The following MYT1L variants were observed in gnomAD, a reference collection of about 807,000 sequenced individuals.
MYT1L encodes myelin transcription factor 1 like.
MYT1L carries 12 observed loss-of-function variants against 126.7 expected under a neutral mutation model. The ratio of observed to expected loss-of-function variants is 0.09; its 90% CI spans 0.06 to 0.15. The LOEUF (loss-of-function observed/expected upper bound fraction) is 0.15. Among genes scored for constraint, MYT1L ranks in the 10% least tolerant of loss-of-function variants. MYT1L has a pLI of 1.00. For missense variants in MYT1L, 979 were observed against 1,585.2 expected (o/e 0.62, Z 6.49); for synonymous variants, 541 against 604.2 (o/e 0.90, Z 1.53).
intron 3 of MYT1L, among the ~76,000 whole-genome samples, chr2:2,113,231 A>AT (rs1246705856): frequency 1.3e-5 from 2 of 152,220 alleles, no homozygotes; most frequent in Admixed American, 1.3e-4. Context: ...GTGACTTGGG[A>AT]TTCCTGATAA....
At chr2:1,978,539 CT>C (rs1235329652) in intron 8 of MYT1L, among the ~76,000 whole-genome samples, 2 of 152,168 alleles carry the variant, frequency 1.3e-5, no homozygotes, top group Non-Finnish European at 2.9e-5. Context: ...CAATCATCAC[CT>C]TCCCCTTAGT....
chr2:2,140,432 C>CTTTT lies in MYT1L; in HGVS notation c.-304+32436_-304+32439dup, dbSNP rs35297300. Among the ~76,000 whole-genome samples the CTTTT allele has an allele frequency of 3.6e-3, 406 of 112,932 alleles. 5 individuals carry two copies. Among genetic ancestry groups the CTTTT allele is most frequent in the Non-Finnish European group, 5.8e-3 (319 of 55,188 alleles). The allele number at this position is 112,932 out of a possible 152,430, so 74.1% of individuals were successfully genotyped here. A position where few individuals can be genotyped will look rare whatever the true frequency, so the allele number is the denominator to read the frequency against. On this transcript the variant is annotated intron_variant, in intron 3 of 24. Transcript: ENST00000647738. ...GTCTTTATTTTTTTTCTTTCTTTTT[C>CTTTT]TTTTTTTTTTTTTTTTTTTTGAGAC...
chr2:1,816,809 T>C (rs1440639919), intron 21 of MYT1L: 3 of 152,712 alleles, frequency 2.0e-5, no homozygotes, highest in Non-Finnish European at 4.4e-5. Context: ...CCCCAGTGTA[T>C]GCACAGGGCC....
At chr2:1,918,451 T>C (rs2053146957) in intron 10 of MYT1L, among the ~76,000 whole-genome samples, 1 of 152,202 alleles carries the variant, frequency 6.6e-6, no homozygotes, top group African/African-American at 2.4e-5. Flanking sequence ...TTTTTGATAT[T>C]CCATTAATCA....
intron 17 of MYT1L, 102 bp from the exon 18 acceptor site, chr2:1,886,709 A>T (rs1347519265): frequency 3.0e-6 from 2 of 657,690 alleles, no homozygotes; most frequent in Non-Finnish European, 4.7e-6. Context: ...AATGCAGAAA[A>T]GCAATGGGCA....
intron 19 of MYT1L, among the ~76,000 whole-genome samples, chr2:1,846,525 A>G (rs2148470465): frequency 6.6e-6 from 1 of 152,284 alleles, no homozygotes; most frequent in South Asian, 2.1e-4. Flanking sequence ...GCACACGGAC[A>G]GAGCATACGG....
At chr2:2,051,463 C>A (rs1028211703) in intron 4 of MYT1L, among the ~76,000 whole-genome samples, 1 of 152,158 alleles carries the variant, frequency 6.6e-6, no homozygotes, top group African/African-American at 2.4e-5. Context: ...GTACCTAATA[C>A]GGCCCAGGAA....
At chr2:2,290,743 A>G (rs911548818) in intron 1 of MYT1L, among the ~76,000 whole-genome samples, 2 of 152,094 alleles carry the variant, frequency 1.3e-5, no homozygotes, top group Non-Finnish European at 2.9e-5. Flanking sequence ...AAAGGCACTG[A>G]CCCCTGCCTG....
At chr2:2,147,030 CAG>C (rs890823963) in intron 3 of MYT1L, among the ~76,000 whole-genome samples, 1 of 152,212 alleles carries the variant, frequency 6.6e-6, no homozygotes, top group African/African-American at 2.4e-5. Context: ...CAACAAGACT[CAG>C]TGACAATTGG....
chr2:1,952,700 T>TC, intron 8 of MYT1L, among the ~76,000 whole-genome samples: 2 of 102,706 alleles, frequency 1.9e-5, no homozygotes, highest in African/African-American at 7.3e-5. Flanking sequence ...CTTCCTTCCT[T>TC]TCTTCCTTCC....
At chr2:2,137,185 G>A (rs372372754) in intron 3 of MYT1L, among the ~76,000 whole-genome samples, 16 of 152,124 alleles carry the variant, frequency 1.1e-4, no homozygotes, top group Non-Finnish European at 1.3e-4. Flanking sequence ...CAATGAAATA[G>A]AAGAGGATAC....
Position 2,084,424 on chromosome 2 carries a change from A to G in MYT1L, c.-303-30301T>C, listed in dbSNP as rs55963584. Among the ~76,000 whole-genome samples, 1,311 of 152,352 alleles carry G rather than the reference A, an allele frequency of 8.6e-3. 21 individuals are homozygous for G. The highest frequency in any genetic ancestry group is 0.026 in the African/African-American group (1,096 of 41,588). Reference sequence around the variant, plus strand: ...CAAGTGATGGGATGTCCCTCCCATGATCAGGTTAGAAAACACTGAGAGCTC... The same window carrying G: ...CAAGTGATGGGATGTCCCTCCCATGGTCAGGTTAGAAAACACTGAGAGCTC... On this transcript the variant is annotated intron_variant, in intron 3 of 24. Coordinates refer to ENST00000647738, the MANE Select transcript of MYT1L (RefSeq NM_001303052.2).
intron 1 of MYT1L, chr2:2,325,882 T>A (rs1294071335): frequency 6.6e-6 from 1 of 152,266 alleles, no homozygotes; most frequent in African/African-American, 2.4e-5. Flanking sequence ...GGAAGTGTTG[T>A]GTATGCAATC....
At chr2:2,288,276 TG>T (rs891293192) in intron 1 of MYT1L, among the ~76,000 whole-genome samples, 3 of 152,346 alleles carry the variant, frequency 2.0e-5, no homozygotes, top group African/African-American at 7.2e-5. Context: ...ATAGTAGAGT[TG>T]GATTTGAACC....
intron 3 of MYT1L, among the ~76,000 whole-genome samples, chr2:2,128,951 G>C (rs1300220905): frequency 6.6e-6 from 1 of 152,214 alleles, no homozygotes; most frequent in Non-Finnish European, 1.5e-5. Flanking sequence ...ATGATTTCAT[G>C]CCAAGGAAAC....
chr2:2,289,197 C>T (rs1052580232), intron 1 of MYT1L, among the ~76,000 whole-genome samples: 2 of 152,124 alleles, frequency 1.3e-5, no homozygotes, highest in African/African-American at 4.8e-5. Flanking sequence ...AGTAGGTGGC[C>T]CTGTCTGGCT....
At chr2:2,004,320 G>GTGCCTTCTTTCCT (rs1558698497) in intron 4 of MYT1L, among the ~76,000 whole-genome samples, 4 of 20,358 alleles carry the variant, frequency 2.0e-4, no homozygotes, top group Non-Finnish European at 2.8e-4. Context: ...CTTTCCTGCA[G>GTGCCTTCTTTCCT]GCGTTCTTTC....
At chr2:2,016,995 C>A (rs566784160) in intron 4 of MYT1L, among the ~76,000 whole-genome samples, 1 of 152,230 alleles carries the variant, frequency 6.6e-6, no homozygotes, top group Non-Finnish European at 1.5e-5. Context: ...TAAAATCTTG[C>A]TAATAATTGA....
intron 2 of MYT1L, among the ~76,000 whole-genome samples, chr2:2,176,124 T>C (rs1411329588): frequency 1.3e-5 from 2 of 152,170 alleles, no homozygotes; most frequent in African/African-American, 4.8e-5. Flanking sequence ...AGATTTAGGA[T>C]ATGTCCACTT....
Sources: gnomAD v4.1 joint callset for allele counts (sites outside exome capture counted in the v4.1 genomes callset) on GRCh38, gnomAD v4.1.1 for gene constraint, MANE v1.5 for transcripts, NCBI Gene and HGNC (gene_info 2026-07-23, HGNC 2026-07-21) for gene names.